EHBP1: variants seen among roughly 807,000 people sequenced by gnomAD.
EHBP1 encodes the protein EH domain-binding protein 1.
Under a neutral mutation model 144.0 loss-of-function variants are expected in EHBP1, and 55 were observed. That is an observed-to-expected ratio of 0.38 (90% CI 0.31 to 0.48). The LOEUF is 0.48. EHBP1 is among the 20% of genes least tolerant of loss of function. The pLI is 0.98. For synonymous variants in EHBP1, 469 were observed against 472.7 expected, an observed-to-expected ratio of 0.99 and a Z score of 0.10; for missense variants, 1,200 against 1,364.2, an observed-to-expected ratio of 0.88 and a Z score of 1.90.
chr2:62,948,133 GTTCTT>G (rs2153088865), intron 12 of EHBP1, 122 bp from the exon 13 acceptor site: 3 of 735,610 alleles, frequency 4.1e-6, no homozygotes, highest in East Asian at 6.4e-5. Flanking sequence ...TTGGAAATTT[GTTCTT>G]TTCATGTGAC....
intron 19 of EHBP1, among the ~76,000 whole-genome samples, chr2:63,014,454 CAT>C (rs1215687035): frequency 6.6e-6 from 1 of 152,094 alleles, no homozygotes; most frequent in African/African-American, 2.4e-5. Flanking sequence ...TAAATAACAA[CAT>C]AAATTTAAGA....
intron 2 of EHBP1, among the ~76,000 whole-genome samples, chr2:62,727,130 G>T (rs2036888677): frequency 6.6e-6 from 1 of 152,094 alleles, no homozygotes; most frequent in Non-Finnish European, 1.5e-5. Flanking sequence ...CAAAGTGCTG[G>T]GATTACAGGC....
intron 13 of EHBP1, among the ~76,000 whole-genome samples, chr2:62,954,962 C>A (rs905809984): frequency 2.6e-5 from 4 of 151,818 alleles, no homozygotes; most frequent in African/African-American, 9.7e-5. Context: ...TTTTTCAATT[C>A]TAATATTTTC....
intron 13 of EHBP1, among the ~76,000 whole-genome samples, chr2:62,952,015 T>C (rs892678614): frequency 1.4e-4 from 22 of 152,194 alleles, no homozygotes; most frequent in African/African-American, 5.3e-4. Flanking sequence ...TTATTTTCCA[T>C]GTATGTTAAA....
At chr2:62,762,798 G>GTTCTCTC (rs1404712000) in intron 3 of EHBP1, among the ~76,000 whole-genome samples, 3 of 150,638 alleles carry the variant, frequency 2.0e-5, no homozygotes, top group African/African-American at 7.3e-5. Flanking sequence ...TCTTATGTTT[G>GTTCTCTC]GAACCTGTTC....
chr2:62,716,092 T>A (rs1031693890), intron 2 of EHBP1, among the ~76,000 whole-genome samples: 1 of 152,158 alleles, frequency 6.6e-6, no homozygotes, highest in African/African-American at 2.4e-5. Context: ...ATGCATGGTT[T>A]CTTTCAGATC....
chr2:62,902,685 G>C (rs1310184883), intron 10 of EHBP1, among the ~76,000 whole-genome samples: 2 of 152,080 alleles, frequency 1.3e-5, no homozygotes, highest in African/African-American at 4.8e-5. Context: ...AAATTATTCT[G>C]TTAGGTTATA....
Position 62,715,219 on chromosome 2 carries a change from A to G in EHBP1, c.104+7924A>G, listed in dbSNP as rs565886816. ...AGCCTCCACCTCCCGGGTTCAAGCAATTCTTCTGCCTCGGCCTCCCGAGTA... is the reference window on the plus strand; with the variant it reads ...AGCCTCCACCTCCCGGGTTCAAGCAGTTCTTCTGCCTCGGCCTCCCGAGTA... On this transcript the variant is annotated intron_variant, in intron 2 of 22. Coordinates refer to ENST00000431489, the MANE Select transcript of EHBP1 (RefSeq NM_001142616.3). Among the ~76,000 whole-genome samples, 4 of 152,194 alleles carry G rather than the reference A, an allele frequency of 2.6e-5. 1 individual carries two copies. The highest frequency in any genetic ancestry group is 9.6e-5 in the African/African-American group (4 of 41,546).
At chr2:62,922,095 C>T (rs1574068186) in intron 10 of EHBP1, among the ~76,000 whole-genome samples, 1 of 152,024 alleles carries the variant, frequency 6.6e-6, no homozygotes, top group South Asian at 2.1e-4. Context: ...GAATCGCTTG[C>T]ACCTGGGAGG....
upstream of EHBP1, among the ~76,000 whole-genome samples, chr2:62,705,270 G>GCAGCTGCACTGCCCA (rs2034435833): frequency 6.6e-6 from 1 of 152,008 alleles, no homozygotes; most frequent in Admixed American, 6.5e-5. Flanking sequence ...AAACCCACAG[G>GCAGCTGCACTGCCCA]CAGCTGCACT....
At chr2:63,044,147 G>A (rs576137483) in intron 21 of EHBP1, 6 of 147,052 alleles carry the variant, frequency 4.1e-5, no homozygotes, top group Admixed American at 2.0e-4. Context: ...GGTTTCAAAA[G>A]TGTTTTAAAT....
chr2:62,770,939 T>G (rs1165732966), intron 4 of EHBP1, among the ~76,000 whole-genome samples: 1 of 151,950 alleles, frequency 6.6e-6, no homozygotes, highest in African/African-American at 2.4e-5. Context: ...CATTTATAAG[T>G]GGGAGCTAAG....
At chr2:62,679,638 T>G (rs1409008250) in intron 1 of EHBP1, among the ~76,000 whole-genome samples, 2 of 152,084 alleles carry the variant, frequency 1.3e-5, no homozygotes, top group Non-Finnish European at 2.9e-5. Context: ...GGGGAAAAAA[T>G]AGTTGCAAAT....
At chr2:62,858,802 G>A (rs1229577685) in intron 7 of EHBP1, among the ~76,000 whole-genome samples, 1 of 152,116 alleles carries the variant, frequency 6.6e-6, no homozygotes, top group Admixed American at 6.6e-5. Context: ...TAAATATATT[G>A]TTTTTAGAAT....
At chr2:62,683,416 T>C (rs1156986285) in intron 1 of EHBP1, among the ~76,000 whole-genome samples, 1 of 151,856 alleles carries the variant, frequency 6.6e-6, no homozygotes, top group Non-Finnish European at 1.5e-5. Flanking sequence ...TCCCCGCACT[T>C]TGGGAGGCCG....
At position 63,045,894 on chromosome 2, in the gene EHBP1, A is replaced by G. The variant is rs2061937908; in HGVS notation, c.*394A>G. On this transcript the variant is annotated 3_prime_UTR_variant, in exon 23 of 23. Transcript: ENST00000431489. This position sits in a 1 kb window ranked among gnomAD's most constrained non-coding sequence, Gnocchi z 5.7. ...TATTCTTGTTGTTGTTGGTAATAGC[A>G]TAATGACAGTGGGAGGGGTACAAGG... The G allele has an allele frequency of 5.7e-6, 1 of 176,972 alleles. No homozygotes were observed. Among genetic ancestry groups the G allele is most frequent in the South Asian group, 1.2e-4 (1 of 8,160 alleles). The allele number at this position is 176,972 out of a possible 1,614,324, so 11.0% of individuals were successfully genotyped here. A position where few individuals can be genotyped will look rare whatever the true frequency, so the allele number is the denominator to read the frequency against.
At chr2:62,924,974 G>A (rs149380797) in intron 10 of EHBP1, among the ~76,000 whole-genome samples, 9 of 152,184 alleles carry the variant, frequency 5.9e-5, no homozygotes, top group East Asian at 3.9e-4. Flanking sequence ...CAAATTGAGC[G>A]CAACAGTGCA....
chr2:62,982,176 A>T (rs1307947638), intron 15 of EHBP1, among the ~76,000 whole-genome samples: 1 of 152,214 alleles, frequency 6.6e-6, no homozygotes, highest in African/African-American at 2.4e-5. Flanking sequence ...TTGAAATTCA[A>T]TGATTCATAT....
chr2:62,712,676 A>C (rs2035265845), intron 2 of EHBP1, among the ~76,000 whole-genome samples: 1 of 152,168 alleles, frequency 6.6e-6, no homozygotes, highest in Admixed American at 6.5e-5. Context: ...GAAAAGGAGA[A>C]GGTAAGTACG....
Sources: gnomAD v4.1 joint callset for allele counts (sites outside exome capture counted in the v4.1 genomes callset) on GRCh38, gnomAD v4.1.1 for gene constraint, Gnocchi (gnomAD v3.1) non-coding constraint, MANE v1.5 for transcripts, NCBI Gene and HGNC (gene_info 2026-07-23, HGNC 2026-07-21) for gene names.